Variants in KATNIP observed in about 807,000 individuals in gnomAD.
The protein encoded by KATNIP is katanin interacting protein.
In KATNIP, 126 loss-of-function variants were observed where a neutral mutation model predicts 174.0. That is an observed-to-expected ratio of 0.72 (90% CI 0.63 to 0.84). The LOEUF is 0.84. Among genes scored for constraint, KATNIP ranks in the 40% least tolerant of loss-of-function variants. KATNIP has a pLI of 0.00. For synonymous variants in KATNIP, 810 were observed against 835.7 expected (o/e 0.97, Z 0.53); for missense variants, 1,958 against 2,109.7 (o/e 0.93, Z 1.41).
intron 11 of KATNIP, among the ~76,000 whole-genome samples, 182 bp from the exon 12 acceptor site, chr16:27,703,714 T>C (rs574572518): frequency 6.6e-6 from 1 of 152,336 alleles, no homozygotes; most frequent in East Asian, 1.9e-4. Flanking sequence ...CCATCACTAA[T>C]TGTGTAGCCA....
intron 2 of KATNIP, among the ~76,000 whole-genome samples, chr16:27,576,226 T>C (rs185040970): frequency 2.0e-5 from 3 of 152,316 alleles, no homozygotes; most frequent in Admixed American, 2.0e-4. Context: ...CCCTAATTGC[T>C]GCTTTCCCAG....
chr16:27,764,858 TG>T (rs1466662222), intron 19 of KATNIP, among the ~76,000 whole-genome samples: 2 of 152,206 alleles, frequency 1.3e-5, no homozygotes, highest in Non-Finnish European at 2.9e-5. Context: ...AGTGTGGAAT[TG>T]CTGAATTTCC....
chr16:27,585,876 C>T (rs543122636), intron 2 of KATNIP, among the ~76,000 whole-genome samples: 9 of 151,964 alleles, frequency 5.9e-5, no homozygotes, highest in East Asian at 3.9e-4. Context: ...CCGAGGCAGG[C>T]GGATCACTTG....
At chr16:27,712,358 C>G (rs888542527) in intron 13 of KATNIP, among the ~76,000 whole-genome samples, 1 of 152,132 alleles carries the variant, frequency 6.6e-6, no homozygotes, top group Non-Finnish European at 1.5e-5. Flanking sequence ...TCAGAACCAT[C>G]TAATTGCACC....
intron 20 of KATNIP, among the ~76,000 whole-genome samples, chr16:27,768,582 C>T (rs2082195611): frequency 6.6e-6 from 1 of 152,188 alleles, no homozygotes. Context: ...GCCAGCAAAA[C>T]CCCAGGAGTC....
intron 4 of KATNIP, 70 bp from the exon 5 acceptor site, chr16:27,630,995 C>T (rs1431276448): frequency 2.1e-5 from 27 of 1,288,954 alleles, no homozygotes; most frequent in Non-Finnish European, 3.0e-5. Flanking sequence ...ACATGAGTTA[C>T]AAACCAACCC....
rs780495024 is a variant in KATNIP, at chr16:27,681,453, T to C, written c.863T>C (p.Phe288Ser). The C allele has an allele frequency of 3.1e-6, 5 of 1,614,196 alleles. No homozygotes were observed. Among genetic ancestry groups the C allele is most frequent in the Non-Finnish European group, 4.2e-6 (5 of 1,180,012 alleles). ...AAGCGGAAGGACAATGCTGAGGTTT[T>C]CGTTCCCACCAAACCTGAGCCAAAC... ...SAKRKDNAEV[F>S]VPTKPEPNLT... Residue 288 changes from phenylalanine (F) to serine (S), a missense_variant, in exon 8 of 28, where the codon TTC becomes TCC. This residue lies in a region of KATNIP where 1,557 missense variants were observed against 1,617.8 expected (regional missense o/e 0.96). Coordinates refer to ENST00000261588, the MANE Select transcript of KATNIP (RefSeq NM_015202.5).
chr16:27,648,788 G>A (rs555358178), intron 6 of KATNIP, 53 bp downstream of exon 6: 24 of 1,587,046 alleles, frequency 1.5e-5, no homozygotes, highest in African/African-American at 9.4e-5. Flanking sequence ...GGCGAGGCTC[G>A]GTGCTGCAGT....
At chr16:27,677,496 G>A (rs1201191898) in intron 6 of KATNIP, among the ~76,000 whole-genome samples, 3 of 144,462 alleles carry the variant, frequency 2.1e-5, no homozygotes, top group African/African-American at 2.6e-5. Context: ...CGGCATCTCC[G>A]GGATACAAAC....
chr16:27,774,612 G>C (rs766300569), intron 23 of KATNIP, among the ~76,000 whole-genome samples: 1 of 152,060 alleles, frequency 6.6e-6, no homozygotes, highest in Admixed American at 6.6e-5. Context: ...GAAAACCTCC[G>C]CAGAGCTTGC....
At chr16:27,680,364 A>G (rs1159280319) in intron 7 of KATNIP, among the ~76,000 whole-genome samples, 2 of 152,064 alleles carry the variant, frequency 1.3e-5, no homozygotes, top group Non-Finnish European at 2.9e-5. Flanking sequence ...CAGGGCTCTA[A>G]AGAGGTGACT....
chr16:27,582,019 T>C (rs983724830), intron 2 of KATNIP, among the ~76,000 whole-genome samples: 7 of 152,192 alleles, frequency 4.6e-5, no homozygotes, highest in African/African-American at 1.7e-4. Flanking sequence ...TGGTTCCACA[T>C]TGCAATTGTG....
chr16:27,617,239 A>G (rs1447590865), intron 2 of KATNIP, among the ~76,000 whole-genome samples: 1 of 152,244 alleles, frequency 6.6e-6, no homozygotes, highest in Non-Finnish European at 1.5e-5. Flanking sequence ...CTTTAGGCAT[A>G]GGTGAATCCA....
chr16:27,605,906 G>A (rs145755870), intron 2 of KATNIP, among the ~76,000 whole-genome samples: 1 of 152,150 alleles, frequency 6.6e-6, no homozygotes. Context: ...AAGGAGGGTG[G>A]ATCACTTGAG....
chr16:27,633,827 G>A (rs905870851), intron 5 of KATNIP, among the ~76,000 whole-genome samples: 13 of 152,154 alleles, frequency 8.5e-5, no homozygotes, highest in African/African-American at 2.7e-4. Flanking sequence ...GGGCAGGCTG[G>A]GATTTGAACT....
At chr16:27,570,164 T>A (rs367744313) in intron 1 of KATNIP, among the ~76,000 whole-genome samples, 4 of 152,278 alleles carry the variant, frequency 2.6e-5, no homozygotes, top group African/African-American at 9.6e-5. Context: ...TGAGGTCTGG[T>A]AATAAGAAAG....
chr16:27,735,822 G>A (rs2080876993), intron 14 of KATNIP, among the ~76,000 whole-genome samples: 1 of 152,146 alleles, frequency 6.6e-6, no homozygotes, highest in Non-Finnish European at 1.5e-5. Context: ...CATCTCCAGG[G>A]TCTCAGATTC....
intron 1 of KATNIP, among the ~76,000 whole-genome samples, chr16:27,573,674 G>A (rs2090384090): frequency 6.6e-6 from 1 of 152,150 alleles, no homozygotes; most frequent in Non-Finnish European, 1.5e-5. Context: ...CTGGAGCTTT[G>A]TTCATTATAG....
At chr16:27,759,548 C>G (rs1438487699) in intron 18 of KATNIP, among the ~76,000 whole-genome samples, 3 of 152,214 alleles carry the variant, frequency 2.0e-5, no homozygotes, top group Admixed American at 1.3e-4. Flanking sequence ...GCTTGGTTGG[C>G]CTCTACTGGG....
Sources: gnomAD v4.1 joint callset for allele counts (sites outside exome capture counted in the v4.1 genomes callset) on GRCh38, gnomAD v4.1.1 for gene constraint, gnomAD v4.1.1 regional missense constraint, MANE v1.5 for transcripts, NCBI Gene and HGNC (gene_info 2026-07-23, HGNC 2026-07-21) for gene names.